RNF213: variants seen among roughly 807,000 people sequenced by gnomAD.
The protein encoded by RNF213 is E3 ubiquitin-protein ligase RNF213.
Under a neutral mutation model 514.4 loss-of-function variants are expected in RNF213, and 341 were observed. The observed-to-expected ratio is 0.66, with a 90% CI of 0.61 to 0.73. RNF213 has a LOEUF of 0.73. Ranked by LOEUF, RNF213 falls within the 30% of genes least tolerant of loss-of-function variation. The pLI, the probability that RNF213 is intolerant of heterozygous loss-of-function variation, is 0.00. For missense variants in RNF213, 5,767 were observed against 6,615.6 expected, an observed-to-expected ratio of 0.87 and a Z score of 4.45; for synonymous variants, 2,655 against 2,658.2, an observed-to-expected ratio of 1.00 and a Z score of 0.04.
At chr17:80,382,917 ATAC>A in intron 57 of RNF213, 59 bp from the exon 58 acceptor site, 1 of 965,690 alleles carries the variant, frequency 1.0e-6, no homozygotes, top group Non-Finnish European at 1.7e-6. Context: ...AGGGTTTATT[ATAC>A]GCAGACTGCT....
At chr17:80,282,135 G>T (rs1026190904) in intron 3 of RNF213, among the ~76,000 whole-genome samples, 10 of 152,134 alleles carry the variant, frequency 6.6e-5, no homozygotes, top group African/African-American at 2.4e-4. Flanking sequence ...GGGATAACAG[G>T]CCTGAGCCAC....
chr17:80,271,077 G>C lies in RNF213; in HGVS notation c.98-2164G>C, dbSNP rs553905008. 1.6e-3 allele frequency among the ~76,000 whole-genome samples: 247 copies of C among 152,202 alleles called. 2 individuals are homozygous for C. Among genetic ancestry groups the C allele is most frequent in the African/African-American group, 5.7e-3 (238 of 41,546 alleles). ...GTAAATATCGGCCCTGATTGGATTAGGCTAGTCAGGGCCCGCCCCTGGTGG... is the reference window on the plus strand; with the variant it reads ...GTAAATATCGGCCCTGATTGGATTACGCTAGTCAGGGCCCGCCCCTGGTGG... On this transcript the variant is annotated intron_variant, in intron 2 of 67. Coordinates refer to ENST00000582970, the MANE Select transcript of RNF213 (RefSeq NM_001256071.3).
In RNF213 at chr17:80,298,207, G is replaced by A. The variant is rs908066697; in HGVS notation, c.2013-114G>A. On this transcript the variant is annotated intron_variant, in intron 10 of 67. Transcript: ENST00000582970. Reference sequence around the variant, plus strand: ...AGTTAAACTCTGCTCAGCCACGCGCGGTGCTCCTCTTGCTCTGTGTGCACG... The same window carrying A: ...AGTTAAACTCTGCTCAGCCACGCGCAGTGCTCCTCTTGCTCTGTGTGCACG... 2.0e-5 allele frequency: 22 copies of A among 1,079,296 alleles called. 1 individual carries two copies. The highest frequency in any genetic ancestry group is 1.5e-4 in the South Asian group (11 of 74,772). 66.9% of individuals were successfully genotyped at this position (1,079,296 alleles called of 1,614,324 possible).
chr17:80,299,467 A>G (rs2045093557), intron 11 of RNF213, among the ~76,000 whole-genome samples: 1 of 152,236 alleles, frequency 6.6e-6, no homozygotes, highest in Admixed American at 6.5e-5. Flanking sequence ...GGCAATATAT[A>G]TAATCCTGAT....
At chr17:80,303,606 C>T (rs2045257385) in intron 11 of RNF213, among the ~76,000 whole-genome samples, 1 of 149,968 alleles carries the variant, frequency 6.7e-6, no homozygotes, top group South Asian at 2.1e-4. Context: ...CTCTGTCGCC[C>T]AGGCTGGAGT....
intron 11 of RNF213, 65 bp downstream of exon 11, chr17:80,298,583 G>C: frequency 6.3e-7 from 1 of 1,576,476 alleles, no homozygotes; most frequent in Non-Finnish European, 8.7e-7. Flanking sequence ...TTGTGCACCC[G>C]GAGTCCCGGT....
At position 80,377,947 on chromosome 17, in the gene RNF213, T is replaced by C. The variant is rs11871597; in HGVS notation, c.13545+151T>C. The C allele has an allele frequency of 0.011, 10,035 of 890,538 alleles. 674 individuals carry two copies. In the African/African-American group the frequency reaches 0.14, roughly 13 times the overall value. 55.2% of individuals were successfully genotyped at this position (890,538 alleles called of 1,614,324 possible). On this transcript the variant is annotated intron_variant, in intron 54 of 67. Coordinates refer to ENST00000582970, the MANE Select transcript of RNF213 (RefSeq NM_001256071.3). The surrounding 1 kb of genome is among the most constrained non-coding windows in gnomAD (Gnocchi z 4.1). ...GCCCAGGGTGCTCTGAGCAGGGCAA[T>C]GCCAATGGCGCTAAGGGTTTCTAGC...
chr17:80,388,109 G>A (rs1002716047), intron 63 of RNF213, among the ~76,000 whole-genome samples: 2 of 152,174 alleles, frequency 1.3e-5, no homozygotes, highest in South Asian at 2.1e-4. Context: ...GACTACAGGC[G>A]CCCGCCACCA....
chr17:80,291,136 T>G (rs1007968861), intron 7 of RNF213, among the ~76,000 whole-genome samples: 7 of 152,104 alleles, frequency 4.6e-5, no homozygotes, highest in Admixed American at 2.0e-4. Context: ...ATCCAGTGAG[T>G]TGATGACATT....
chr17:80,319,146 C>T (rs746644345), intron 16 of RNF213, 44 bp from the exon 17 acceptor site: 14 of 1,614,084 alleles, frequency 8.7e-6, no homozygotes, highest in South Asian at 1.1e-5. Context: ...CACTGGAGCG[C>T]TGCATCCGAA....
At chr17:80,382,117 C>A in intron 57 of RNF213, 1 of 250,846 alleles carries the variant, frequency 4.0e-6, no homozygotes, top group South Asian at 5.3e-5. Flanking sequence ...ACAGAGCGTG[C>A]GTGTCAAAGG....
intron 21 of RNF213, among the ~76,000 whole-genome samples, chr17:80,333,355 C>A (rs542867046): frequency 2.6e-5 from 4 of 151,024 alleles, no homozygotes; most frequent in Non-Finnish European, 5.9e-5. Flanking sequence ...CCACCGTGCC[C>A]GGCTGAGTCT....
chr17:80,261,420 G>C (rs1165065921), intron 1 of RNF213, among the ~76,000 whole-genome samples: 1 of 152,212 alleles, frequency 6.6e-6, no homozygotes, highest in Admixed American at 6.5e-5. Context: ...GAAGTCGCCC[G>C]AGCGCGGGGC....
At chr17:80,301,185 T>A in intron 11 of RNF213, among the ~76,000 whole-genome samples, 1 of 152,228 alleles carries the variant, frequency 6.6e-6, no homozygotes, top group East Asian at 1.9e-4. Flanking sequence ...TTGTGATTGC[T>A]TTTGGTATTT....
intron 36 of RNF213, among the ~76,000 whole-genome samples, chr17:80,356,576 G>GC (rs1339852932): frequency 1.3e-5 from 2 of 152,228 alleles, no homozygotes; most frequent in African/African-American, 4.8e-5. Flanking sequence ...GGATTAAACA[G>GC]CCCAAATCCT....
At chr17:80,357,465 A>G (rs1219628231) in intron 36 of RNF213, among the ~76,000 whole-genome samples, 1 of 152,186 alleles carries the variant, frequency 6.6e-6, no homozygotes, top group African/African-American at 2.4e-5. Context: ...ATCAACAGGA[A>G]CAAATACTTA....
At position 80,337,622 on chromosome 17, in the gene RNF213, G is replaced by A; in HGVS notation, c.4564G>A (p.Val1522Met). The A allele has an allele frequency of 6.5e-7, 1 of 1,537,332 alleles. No homozygotes were observed. Among genetic ancestry groups the A allele is most frequent in the Non-Finnish European group, 8.7e-7 (1 of 1,146,930 alleles). ...SARNLEWLKT[V>M]NESHGSVERS... is the part of the protein sequence containing the mutation. ...CAGGAACTTGGAATGGCTGAAGACT[G>A]TGAATGAGAGTCATGGGTCTGTGGA... The change falls in exon 24 of 68, where the codon GTG becomes ATG. Residue 1522 changes from valine to methionine, a missense_variant. Physicochemically the swap from Val to Met is conservative, Grantham distance 21. Transcript: ENST00000582970.
Position 80,379,655 on chromosome 17 carries a change from C to T in RNF213, c.13581C>T (p.Asp4527=). The change falls in exon 55 of 68, where the codon GAC becomes GAT. Residue 4527 remains aspartate, a synonymous_variant. Coordinates refer to ENST00000582970, the MANE Select transcript of RNF213 (RefSeq NM_001256071.3). ...CGATGGAACAGAGCATCTGCATTGA[C>T]TGCCATGCGCCGATTGGAGGCATTG... is the stretch of plus-strand genomic sequence containing the variant. ...GRPMEQSICI[D]CHAPIGGIDH... is the part of the protein sequence containing the mutation. 1.9e-6 allele frequency: 3 copies of T among 1,614,266 alleles called. No homozygotes were observed. Among genetic ancestry groups the T allele is most frequent in the Non-Finnish European group, 2.5e-6 (3 of 1,180,052 alleles).
chr17:80,384,025 A>G (rs1670540888), intron 59 of RNF213, 97 bp downstream of exon 59: 1 of 1,453,006 alleles, frequency 6.9e-7, no homozygotes, highest in Non-Finnish European at 9.6e-7. Context: ...ATCATTCTTA[A>G]CAGACTATTC....
Sources: gnomAD v4.1 joint callset for allele counts (sites outside exome capture counted in the v4.1 genomes callset) on GRCh38, gnomAD v4.1.1 for gene constraint, Gnocchi (gnomAD v3.1) non-coding constraint, MANE v1.5 for transcripts, NCBI Gene and HGNC (gene_info 2026-07-23, HGNC 2026-07-21) for gene names.